Variants in PAM observed in about 807,000 individuals in gnomAD.
The protein encoded by PAM is peptidylglycine alpha-amidating monooxygenase.
In PAM, 72 loss-of-function variants were observed where a neutral mutation model predicts 122.1. The observed-to-expected ratio is 0.59, with a 90% CI of 0.49 to 0.72. The LOEUF (loss-of-function observed/expected upper bound fraction) is 0.72. Ranked by LOEUF, PAM falls within the 30% of genes least tolerant of loss-of-function variation. PAM has a pLI of 0.00. For synonymous variants in PAM, 389 were observed against 404.4 expected (o/e 0.96, Z 0.46); for missense variants, 1,106 against 1,183.7 (o/e 0.93, Z 0.96).
chr5:102,757,601 TAC>T (rs1750835044), intron 1 of PAM, among the ~76,000 whole-genome samples: 1 of 152,242 alleles, frequency 6.6e-6, no homozygotes, highest in Non-Finnish European at 1.5e-5. Context: ...GGTTCCCACA[TAC>T]AGTTTTTTTC....
chr5:102,922,395 C>T (rs1167697263), intron 5 of PAM, among the ~76,000 whole-genome samples: 2 of 152,028 alleles, frequency 1.3e-5, no homozygotes, highest in African/African-American at 4.8e-5. Flanking sequence ...TGGGATATTT[C>T]AGGCAAAGAG....
At chr5:102,875,879 C>A (rs1033966281) in intron 3 of PAM, among the ~76,000 whole-genome samples, 12 of 152,124 alleles carry the variant, frequency 7.9e-5, no homozygotes, top group South Asian at 4.1e-4. Flanking sequence ...ATTGAATATG[C>A]CATTTAGGCT....
intron 1 of PAM, among the ~76,000 whole-genome samples, chr5:102,820,298 CA>C (rs2150311863): frequency 6.6e-6 from 1 of 152,238 alleles, no homozygotes; most frequent in South Asian, 2.1e-4. Flanking sequence ...ACCATTCATG[CA>C]AGAGCTACTC....
At chr5:102,926,348 A>C (rs577561976) in intron 6 of PAM, among the ~76,000 whole-genome samples, 1 of 152,356 alleles carries the variant, frequency 6.6e-6, no homozygotes, top group African/African-American at 2.4e-5. Flanking sequence ...TTAAAGTGTA[A>C]GTGATTACTC....
chr5:102,828,341 C>CT (rs1345464077), intron 1 of PAM, among the ~76,000 whole-genome samples: 1 of 106,848 alleles, frequency 9.4e-6, no homozygotes, highest in Non-Finnish European at 2.0e-5. Context: ...GAGCAAGACT[C>CT]TGTCTCAAAA....
intron 1 of PAM, among the ~76,000 whole-genome samples, chr5:102,784,964 T>C (rs1760095132): frequency 6.6e-6 from 1 of 152,234 alleles, no homozygotes. Flanking sequence ...ACCTGGAGGA[T>C]TAAAAACAAC....
At chr5:102,825,041 G>A (rs1315330595) in intron 1 of PAM, among the ~76,000 whole-genome samples, 1 of 152,168 alleles carries the variant, frequency 6.6e-6, no homozygotes, top group Admixed American at 6.6e-5. Context: ...AATAGCTAAT[G>A]CGAAAGCACC....
At chr5:102,956,502 T>A (rs78135908) in intron 12 of PAM, among the ~76,000 whole-genome samples, 1,828 of 152,214 alleles carry the variant, frequency 0.012, 41 homozygotes, top group African/African-American at 0.041. Context: ...AAGAGTTACA[T>A]TATTCAGAAA....
Position 102,866,321 on chromosome 5 carries a change from T to G in PAM, c.89+37T>G, listed in dbSNP as rs763528824. On this transcript the variant is annotated intron_variant, in intron 2 of 25. Transcript: ENST00000438793. Reference sequence around the variant, plus strand: ...TTGTTCGGGTGCTTTCTGTGCATGCTGTTGAGAAATGTAATCACTTTTATG... The same window carrying G: ...TTGTTCGGGTGCTTTCTGTGCATGCGGTTGAGAAATGTAATCACTTTTATG... 2.4e-6 allele frequency: 3 copies of G among 1,275,174 alleles called. No homozygotes were observed. In the African/African-American group the frequency reaches 4.4e-5, roughly 19 times the overall value. 79.0% of individuals were successfully genotyped at this position (1,275,174 alleles called of 1,614,324 possible).
intron 14 of PAM, among the ~76,000 whole-genome samples, chr5:102,970,854 T>G (rs931151067): frequency 6.6e-6 from 1 of 152,152 alleles, no homozygotes; most frequent in African/African-American, 2.4e-5. Context: ...TCTCCCGGGC[T>G]GGAGTGCAGT....
chr5:103,016,264 A>G (rs1167598441), intron 21 of PAM, among the ~76,000 whole-genome samples: 1 of 152,196 alleles, frequency 6.6e-6, no homozygotes, highest in African/African-American at 2.4e-5. Context: ...TCTCCAGAGC[A>G]TGTATTCTTC....
intron 1 of PAM, among the ~76,000 whole-genome samples, chr5:102,772,139 A>T (rs1019701256): frequency 1.3e-5 from 2 of 152,140 alleles, no homozygotes; most frequent in Non-Finnish European, 2.9e-5. Flanking sequence ...CACTTCATAC[A>T]GTGTGGTGGT....
At chr5:103,021,195 A>G (rs1385744896) in intron 23 of PAM, among the ~76,000 whole-genome samples, 6 of 152,208 alleles carry the variant, frequency 3.9e-5, no homozygotes, top group African/African-American at 1.2e-4. Context: ...AGTACATTTT[A>G]GAGTCAAGCT....
chr5:102,931,096 G>A (rs1285037231), intron 7 of PAM, among the ~76,000 whole-genome samples: 2 of 152,152 alleles, frequency 1.3e-5, no homozygotes, highest in Non-Finnish European at 2.9e-5. Flanking sequence ...ACCTGGTTAA[G>A]TAGTCAATAA....
In PAM at chr5:102,789,993, A is replaced by C. The variant is rs151017749; in HGVS notation, c.-374+34645A>C. 2.0e-5 allele frequency among the ~76,000 whole-genome samples: 3 copies of C among 152,200 alleles called. No homozygotes were observed. The East Asian group carries it at 5.8e-4, about 29-fold the overall frequency. On this transcript the variant is annotated intron_variant, in intron 1 of 25. Coordinates refer to ENST00000438793, the MANE Select transcript of PAM (RefSeq NM_001177306.2). ...ATACAATTTTCTTATCTTGTATGTG[A>C]TCTGGGGAATGATTTGCCCATATTT...
intron 3 of PAM, among the ~76,000 whole-genome samples, chr5:102,886,666 TTA>T (rs1225016746): frequency 6.6e-6 from 1 of 152,060 alleles, no homozygotes; most frequent in African/African-American, 2.4e-5. Flanking sequence ...ATTATAGTGA[TTA>T]TTTTTTATGT....
intron 1 of PAM, among the ~76,000 whole-genome samples, chr5:102,798,878 A>T (rs1312107335): frequency 2.6e-5 from 4 of 152,170 alleles, no homozygotes; most frequent in African/African-American, 9.7e-5. Context: ...TTTGTCTATA[A>T]CTTATGTGAG....
chr5:102,915,887 G>C (rs538455881), intron 5 of PAM, among the ~76,000 whole-genome samples: 3 of 152,090 alleles, frequency 2.0e-5, no homozygotes, highest in African/African-American at 7.2e-5. Flanking sequence ...ATATTTATTA[G>C]TATTCTTAAA....
intron 23 of PAM, among the ~76,000 whole-genome samples, chr5:103,024,571 A>T (rs1326732733): frequency 1.3e-5 from 2 of 152,226 alleles, no homozygotes; most frequent in Non-Finnish European, 2.9e-5. Flanking sequence ...TTAATTGAAC[A>T]TGAAAAATAT....
Sources: gnomAD v4.1 joint callset for allele counts (sites outside exome capture counted in the v4.1 genomes callset) on GRCh38, gnomAD v4.1.1 for gene constraint, MANE v1.5 for transcripts, NCBI Gene and HGNC (gene_info 2026-07-23, HGNC 2026-07-21) for gene names.